Variants in CCNY observed in about 807,000 individuals in gnomAD.
CCNY encodes cyclin Y.
In CCNY, 19 loss-of-function variants were observed where a neutral mutation model predicts 42.8. The observed-to-expected ratio is 0.44, with a 90% CI of 0.31 to 0.65. CCNY has a LOEUF of 0.65. CCNY is among the 30% of genes least tolerant of loss of function. The pLI is 0.07. For missense variants in CCNY, 370 were observed against 437.3 expected, an observed-to-expected ratio of 0.85 and a Z score of 1.37; for synonymous variants, 165 against 162.7, an observed-to-expected ratio of 1.01 and a Z score of -0.11.
chr10:35,467,209 CTATA>C (rs921788551), intron 1 of CCNY, among the ~76,000 whole-genome samples: 1 of 152,114 alleles, frequency 6.6e-6, no homozygotes, highest in East Asian at 1.9e-4. Context: ...TTTTTATAAT[CTATA>C]TAAGGTCTTT....
intron 3 of CCNY, among the ~76,000 whole-genome samples, chr10:35,255,844 C>T (rs1039182897): frequency 2.0e-5 from 3 of 152,164 alleles, no homozygotes; most frequent in African/African-American, 4.8e-5. Flanking sequence ...ATTTGACCAC[C>T]TCAGCCTCCC....
At chr10:35,435,668 T>C (rs1477208105) in intron 1 of CCNY, among the ~76,000 whole-genome samples, 1 of 152,208 alleles carries the variant, frequency 6.6e-6, no homozygotes, top group East Asian at 1.9e-4. Flanking sequence ...CACACTTTTG[T>C]ATATTAGACT....
chr10:35,251,588 A>C (rs909532064), intron 3 of CCNY, among the ~76,000 whole-genome samples: 1 of 131,576 alleles, frequency 7.6e-6, no homozygotes, highest in Non-Finnish European at 1.6e-5. Context: ...CTTCAATGTC[A>C]CTTTTTTTTT....
rs1408026321 is a variant in CCNY, at chr10:35,541,865, A to G, written c.580-11154A>G. 2.0e-5 allele frequency among the ~76,000 whole-genome samples: 3 copies of G among 150,808 alleles called. No homozygotes were observed. The East Asian group carries it at 5.9e-4, about 29-fold the overall frequency. ...GATCCCATCCAGGACACCATGTTGT[A>G]TCTAGTTGTCATTATCCAGCATCCC... is the stretch of plus-strand genomic sequence containing the variant. On this transcript the variant is annotated intron_variant, in intron 7 of 9. Coordinates refer to ENST00000374704, the MANE Select transcript of CCNY (RefSeq NM_145012.6).
chr10:35,473,121 T>C (rs1172962319), intron 1 of CCNY, among the ~76,000 whole-genome samples: 6 of 152,272 alleles, frequency 3.9e-5, no homozygotes, highest in Non-Finnish European at 5.9e-5. Flanking sequence ...TTATTCTTCA[T>C]TGTTCCCTAG....
intron 1 of CCNY, among the ~76,000 whole-genome samples, chr10:35,419,211 A>G (rs901277944): frequency 1.3e-5 from 2 of 152,200 alleles, no homozygotes; most frequent in African/African-American, 4.8e-5. Flanking sequence ...CAATTGTATT[A>G]CTATTATTTG....
intron 8 of CCNY, among the ~76,000 whole-genome samples, chr10:35,558,367 G>C (rs1371033889): frequency 6.6e-6 from 1 of 152,244 alleles, no homozygotes; most frequent in African/African-American, 2.4e-5. Context: ...AGAGTGAAAT[G>C]AAAGTTACAG....
chr10:35,264,895 C>T (rs570894686), intron 3 of CCNY, among the ~76,000 whole-genome samples: 9 of 152,320 alleles, frequency 5.9e-5, no homozygotes, highest in African/African-American at 1.9e-4. Context: ...TCCCAAAGTG[C>T]TGGGATTACA....
chr10:35,498,792 C>T (rs1486172163), intron 2 of CCNY, among the ~76,000 whole-genome samples: 2 of 152,184 alleles, frequency 1.3e-5, no homozygotes. Flanking sequence ...CAAAGACCCT[C>T]TTATGTTAGG....
intron 3 of CCNY, among the ~76,000 whole-genome samples, chr10:35,282,329 G>A (rs1835307220): frequency 6.6e-6 from 1 of 151,908 alleles, no homozygotes; most frequent in Admixed American, 6.6e-5. Flanking sequence ...GTCTTACTAT[G>A]TTGCCCAGGT....
chr10:35,526,551 T>C (rs1840656450), intron 5 of CCNY, among the ~76,000 whole-genome samples: 1 of 152,212 alleles, frequency 6.6e-6, no homozygotes. Flanking sequence ...AATACATTCA[T>C]TTGCCAGTTT....
chr10:35,542,131 C>T (rs936295661), intron 7 of CCNY, among the ~76,000 whole-genome samples: 8 of 146,804 alleles, frequency 5.4e-5, no homozygotes, highest in Non-Finnish European at 9.0e-5. Flanking sequence ...ATCTAGTTGC[C>T]GTGTCTCCCT....
chr10:35,408,293 A>G (rs1297559447), intron 1 of CCNY, among the ~76,000 whole-genome samples: 4 of 152,326 alleles, frequency 2.6e-5, no homozygotes, highest in African/African-American at 9.6e-5. Flanking sequence ...TCGGCACCAA[A>G]TGTCTCACAT....
At chr10:35,296,283 A>G (rs1032776289) in intron 3 of CCNY, among the ~76,000 whole-genome samples, 8 of 152,126 alleles carry the variant, frequency 5.3e-5, no homozygotes, top group African/African-American at 1.4e-4. Context: ...TAGCTAGACT[A>G]ATAAAGAAAA....
At chr10:35,393,008 C>T (rs1248899038) in intron 1 of CCNY, among the ~76,000 whole-genome samples, 2 of 152,170 alleles carry the variant, frequency 1.3e-5, no homozygotes, top group Non-Finnish European at 1.5e-5. Flanking sequence ...AAGAATCCCC[C>T]TCCCCTTGCT....
At chr10:35,448,512 G>T (rs925065999) in intron 1 of CCNY, among the ~76,000 whole-genome samples, 1 of 152,120 alleles carries the variant, frequency 6.6e-6, no homozygotes, top group African/African-American at 2.4e-5. Context: ...TCTTAAAATG[G>T]TGCCTGCCAT....
chr10:35,412,317 G>A (rs1837923999), intron 1 of CCNY, among the ~76,000 whole-genome samples: 1 of 152,164 alleles, frequency 6.6e-6, no homozygotes, highest in Non-Finnish European at 1.5e-5. Flanking sequence ...TAAAAAATTA[G>A]GCATTGTGCT....
In CCNY at chr10:35,517,664, G is replaced by A. The variant is rs539194793; in HGVS notation, c.365+1041G>A. Among the ~76,000 whole-genome samples, 13 of 152,280 alleles carry A rather than the reference G, an allele frequency of 8.5e-5. No homozygotes were observed. In the East Asian group the frequency reaches 1.9e-3, roughly 23 times the overall value. ...GGTAGAGGCTGCCTGTTGGCACTGCGCTTGTCAGGTTCCGTGCTTCCAGGA... is the reference window on the plus strand; with the variant it reads ...GGTAGAGGCTGCCTGTTGGCACTGCACTTGTCAGGTTCCGTGCTTCCAGGA... On this transcript the variant is annotated intron_variant, in intron 4 of 9. Coordinates refer to ENST00000374704, the MANE Select transcript of CCNY (RefSeq NM_145012.6).
At chr10:35,514,844 G>C (rs760915491) in intron 3 of CCNY, among the ~76,000 whole-genome samples, 1 of 152,040 alleles carries the variant, frequency 6.6e-6, no homozygotes, top group Non-Finnish European at 1.5e-5. Context: ...TGTTAAATAT[G>C]GTATCTGTGT....
Sources: gnomAD v4.1 joint callset for allele counts (sites outside exome capture counted in the v4.1 genomes callset) on GRCh38, gnomAD v4.1.1 for gene constraint, MANE v1.5 for transcripts, NCBI Gene and HGNC (gene_info 2026-07-23, HGNC 2026-07-21) for gene names.